Variants in ARHGAP22 observed in about 807,000 individuals in gnomAD.
ARHGAP22 encodes the protein rho GTPase-activating protein 22.
A neutral mutation model predicts 59.1 loss-of-function variants in ARHGAP22; 48 were observed. The ratio of observed to expected loss-of-function variants is 0.81; its 90% CI spans 0.64 to 1.03. The LOEUF is 1.03. Ranked by LOEUF, ARHGAP22 falls within the 50% of genes least tolerant of loss-of-function variation. The pLI, the probability that ARHGAP22 is intolerant of heterozygous loss-of-function variation, is 0.00. For synonymous variants in ARHGAP22, 445 were observed against 416.4 expected (o/e 1.07, Z -0.84); for missense variants, 1,015 against 958.7 (o/e 1.06, Z -0.78).
upstream of ARHGAP22, among the ~76,000 whole-genome samples, chr10:48,655,252 TGTGTG>T (rs1336332243): frequency 1.3e-3 from 3 of 2,354 alleles, no homozygotes; most frequent in African/African-American, 3.7e-3. Flanking sequence ...TGTGTGTGTG[TGTGTG>T]GGGGGGGGGG....
At chr10:48,567,121 A>T (rs935296) in intron 2 of ARHGAP22, among the ~76,000 whole-genome samples, 58,454 of 151,750 alleles carry the variant, frequency 0.39, 12,634 homozygotes, top group East Asian at 0.89. Flanking sequence ...AGGACCTTGC[A>T]CTAGACTCCG....
rs1182686481 is a variant in ARHGAP22 at position 48,454,177 on chromosome 10, C to T, written c.793-16G>A. 1.7e-5 allele frequency: 28 copies of T among 1,611,296 alleles called. No homozygotes were observed. Among genetic ancestry groups the T allele is most frequent in the Non-Finnish European group, 2.2e-5 (26 of 1,177,780 alleles). ...CCAGAGTGCCCTTAGGAATGAAGAA[C>T]AGAATTTCAAACACCGGCAATGAGG... On this transcript the variant is annotated splice_polypyrimidine_tract_variant and intron_variant, in intron 6 of 9. Coordinates refer to ENST00000249601, the MANE Select transcript of ARHGAP22 (RefSeq NM_021226.4).
At chr10:48,434,475 T>A in the ARHGAP22 span, among the ~76,000 whole-genome samples, 6 of 152,338 alleles carry the variant, frequency 3.9e-5, no homozygotes, top group East Asian at 1.2e-3. Flanking sequence ...AGCTTTTAAC[T>A]TTTGTAGTTA....
chr10:48,584,993 C>CAAAA lies in ARHGAP22; in HGVS notation c.35-1845_35-1842dup, dbSNP rs34230451. ...TGGGCAACAGAGCAAGACTCAGTCT[C>CAAAA]AAAAAAAAAAAAAAAATTACATAGC... On this transcript the variant is annotated intron_variant, in intron 1 of 9. Coordinates refer to ENST00000249601, the MANE Select transcript of ARHGAP22 (RefSeq NM_021226.4). 5.8e-3 allele frequency among the ~76,000 whole-genome samples: 794 copies of CAAAA among 137,560 alleles called. 8 individuals are homozygous for CAAAA. The highest frequency in any genetic ancestry group is 0.02 in the African/African-American group (736 of 36,572). 90.2% of individuals were successfully genotyped at this position (137,560 alleles called of 152,430 possible). A position where few individuals can be genotyped will look rare whatever the true frequency, so the allele number is the denominator to read the frequency against.
intron 3 of ARHGAP22, among the ~76,000 whole-genome samples, chr10:48,504,323 C>A (rs1291733057): frequency 6.6e-6 from 1 of 152,224 alleles, no homozygotes; most frequent in Non-Finnish European, 1.5e-5. Context: ...ACCACAGGTA[C>A]TTCCCAAGAC....
In ARHGAP22 at chr10:48,495,869, G is replaced by A. The variant is rs79191288; in HGVS notation, c.323-16105C>T. Among the ~76,000 whole-genome samples the A allele has an allele frequency of 6.9e-3, 1,055 of 152,330 alleles. 18 individuals are homozygous for A. The highest frequency in any genetic ancestry group is 0.034 in the South Asian group (162 of 4,828). On this transcript the variant is annotated intron_variant, in intron 3 of 9. Coordinates refer to ENST00000249601, the MANE Select transcript of ARHGAP22 (RefSeq NM_021226.4). The stretch of plus-strand genomic sequence containing the variant: ...GGAGCTGCCCGAGGCGGAGGCCCAC[G>A]TGGTGAGAAACTGAGAGAAGCCTCC...
At chr10:48,431,183 T>TG in the ARHGAP22 span, 1 of 1,579,232 alleles carries the variant, frequency 6.3e-7, no homozygotes. Context: ...TTTGTTTACT[T>TG]CTTTTACAGA....
rs1408216142 is a variant in ARHGAP22 at position 48,459,900 on chromosome 10, A to G, written c.452-9T>C. The G allele has an allele frequency of 3.1e-6, 5 of 1,610,370 alleles. No homozygotes were observed. The highest frequency in any genetic ancestry group is 2.7e-5 in the African/African-American group (2 of 74,894). ...GCGCTGCCCAAAGATCCCTGAGCAC[A>G]GAGAGGAGCTAGTCACACCCTCCAC... is the stretch of plus-strand genomic sequence containing the variant. On this transcript the variant is annotated splice_polypyrimidine_tract_variant and intron_variant, in intron 4 of 9. Transcript: ENST00000249601.
intron 1 of ARHGAP22, among the ~76,000 whole-genome samples, chr10:48,600,312 G>C (rs1047276731): frequency 6.6e-6 from 1 of 152,176 alleles, no homozygotes; most frequent in African/African-American, 2.4e-5. Flanking sequence ...GAATAGGTGA[G>C]ATCACTCTAG....
chr10:48,588,860 G>C (rs1460738220), intron 1 of ARHGAP22, among the ~76,000 whole-genome samples: 2 of 152,126 alleles, frequency 1.3e-5, no homozygotes. Flanking sequence ...CTGAGGTGCC[G>C]ACCTTTCTGC....
chr10:48,471,290 G>T (rs1421231587), intron 4 of ARHGAP22, among the ~76,000 whole-genome samples: 1 of 152,214 alleles, frequency 6.6e-6, no homozygotes, highest in Admixed American at 6.5e-5. Flanking sequence ...CCAGCACCAA[G>T]CAGTCACTCT....
At chr10:48,563,104 G>A (rs778091480) in intron 2 of ARHGAP22, among the ~76,000 whole-genome samples, 4 of 151,310 alleles carry the variant, frequency 2.6e-5, no homozygotes, top group African/African-American at 4.9e-5. Flanking sequence ...AAATCACTCC[G>A]ACTCTGACCT....
intron 3 of ARHGAP22, among the ~76,000 whole-genome samples, chr10:48,528,469 C>T (rs1279880842): frequency 2.6e-5 from 4 of 152,094 alleles, no homozygotes; most frequent in East Asian, 1.9e-4. Context: ...GAGGTTGCCC[C>T]GGGAGCTGTA....
intron 1 of ARHGAP22, among the ~76,000 whole-genome samples, chr10:48,614,872 C>A (rs925012814): frequency 6.6e-6 from 1 of 152,138 alleles, no homozygotes; most frequent in African/African-American, 2.4e-5. Context: ...TGGTAGTTAC[C>A]CAAAAGCTGG....
At chr10:48,655,022 CTTTCTTTCATTCTTTCTTTCTTT>C (rs2062733195), upstream of ARHGAP22, among the ~76,000 whole-genome samples, 2 of 62,222 alleles carry the variant, frequency 3.2e-5, no homozygotes, top group African/African-American at 1.2e-4. Context: ...TTCTTTCTTT[CTTTCTTTCATTCTTTCTTTCTTT>C]CTTTCTTTCT....
At chr10:48,451,799 C>T (rs80335242) in intron 8 of ARHGAP22, among the ~76,000 whole-genome samples, 5,007 of 150,856 alleles carry the variant, frequency 0.033, 102 homozygotes, top group Non-Finnish European at 0.039. Context: ...TGCCCACTCC[C>T]GAAAATCCCA....
chr10:48,594,123 A>G (rs148474213), intron 1 of ARHGAP22, among the ~76,000 whole-genome samples: 156 of 152,356 alleles, frequency 1.0e-3, no homozygotes, highest in African/African-American at 3.5e-3. Context: ...GACAAGCATC[A>G]CACTAGGCTC....
chr10:48,496,600 G>C (rs1305997553), intron 3 of ARHGAP22, among the ~76,000 whole-genome samples: 1 of 152,108 alleles, frequency 6.6e-6, no homozygotes, highest in Non-Finnish European at 1.5e-5. Context: ...TTAGCTGCTG[G>C]GACCTGACCT....
chr10:48,450,484 G>C lies in ARHGAP22; in HGVS notation c.1645C>G (p.Leu549Val), dbSNP rs754593835. The stretch of plus-strand genomic sequence containing the variant: ...CTGCTGGGGAGCGGGGAGGGCTCCA[G>C]GGCCCAGTCGGTGTGCAGGGAACTG... Reference protein sequence around the residue: ...ARSSLHTDWALEPSPLPSSSE... With the variant: ...ARSSLHTDWAVEPSPLPSSSE... The change falls in exon 9 of 10, where the codon CTG becomes GTG. Residue 549 changes from leucine to valine, a missense_variant. Coordinates refer to ENST00000249601, the MANE Select transcript of ARHGAP22 (RefSeq NM_021226.4). The C allele has an allele frequency of 1.8e-5, 28 of 1,534,072 alleles. No homozygotes were observed. The South Asian group carries it at 3.2e-4, about 18-fold the overall frequency.
Sources: allele counts gnomAD v4.1 joint callset (sites outside exome capture counted in the v4.1 genomes callset), GRCh38; gene constraint gnomAD v4.1.1; transcripts MANE v1.5; gene names NCBI Gene and HGNC (gene_info 2026-07-23, HGNC 2026-07-21).